PPP2R2B: variants seen among roughly 807,000 people sequenced by gnomAD.
PPP2R2B encodes protein phosphatase 2 regulatory subunit Bbeta.
Under a neutral mutation model 46.0 loss-of-function variants are expected in PPP2R2B, and 5 were observed. That is an observed-to-expected ratio of 0.11 (90% CI 0.06 to 0.23). The LOEUF (loss-of-function observed/expected upper bound fraction) is 0.23. Among genes scored for constraint, PPP2R2B ranks in the 10% least tolerant of loss-of-function variants. The pLI is 1.00. For synonymous variants in PPP2R2B, 215 were observed against 206.7 expected, an observed-to-expected ratio of 1.04 and a Z score of -0.34; for missense variants, 367 against 575.0, an observed-to-expected ratio of 0.64 and a Z score of 3.70.
At chr5:146,903,646 C>G (rs186711716) in intron 1 of PPP2R2B, among the ~76,000 whole-genome samples, 1 of 152,076 alleles carries the variant, frequency 6.6e-6, no homozygotes, top group Admixed American at 6.5e-5. Context: ...AATCTGCCAC[C>G]CTTGGCTTCC....
intron 2 of PPP2R2B, among the ~76,000 whole-genome samples, chr5:146,709,228 C>T (rs1191281474): frequency 1.3e-5 from 2 of 152,190 alleles, no homozygotes; most frequent in African/African-American, 4.8e-5. Context: ...AGCTCCAAGT[C>T]CCAAGCTCTT....
rs537799994 is a variant in PPP2R2B, at chr5:146,638,531, C to T, written c.626-116G>A. ...AAAATATGTCAACATTTGCTATGCA[C>T]ATGGTAGATCCTCATCATAAACTTG... On this transcript the variant is annotated intron_variant, in intron 6 of 9. Coordinates refer to ENST00000394411, the MANE Select transcript of PPP2R2B (RefSeq NM_181675.4). 1,481 of 955,590 alleles carry T rather than the reference C, an allele frequency of 1.5e-3. 5 individuals are homozygous for T. Among genetic ancestry groups the T allele is most frequent in the Non-Finnish European group, 2.0e-3 (1,324 of 663,964 alleles). The allele number at this position is 955,590 out of a possible 1,614,324, so 59.2% of individuals were successfully genotyped here.
intron 2 of PPP2R2B, among the ~76,000 whole-genome samples, chr5:146,827,014 C>A (rs1361056979): frequency 1.3e-5 from 2 of 152,176 alleles, no homozygotes; most frequent in African/African-American, 2.4e-5. Flanking sequence ...AAAGTTAGCA[C>A]TTACATTTTA....
At chr5:146,920,527 C>T (rs1211802508) in intron 1 of PPP2R2B, among the ~76,000 whole-genome samples, 2 of 152,186 alleles carry the variant, frequency 1.3e-5, no homozygotes, top group Non-Finnish European at 2.9e-5. Flanking sequence ...CACCTGATTG[C>T]TTTGTTCAGA....
intron 2 of PPP2R2B, among the ~76,000 whole-genome samples, chr5:146,827,651 T>C (rs990773855): frequency 6.6e-6 from 1 of 152,146 alleles, no homozygotes; most frequent in African/African-American, 2.4e-5. Context: ...TCTAACAAAA[T>C]GAGAAAATAA....
chr5:147,012,398 TG>T, intron 1 of PPP2R2B, among the ~76,000 whole-genome samples: 1 of 152,004 alleles, frequency 6.6e-6, no homozygotes, highest in East Asian at 1.9e-4. Flanking sequence ...GATGGTAGTT[TG>T]TATTTCTGTG....
At chr5:146,743,217 T>C (rs1333669707) in intron 2 of PPP2R2B, among the ~76,000 whole-genome samples, 2 of 152,192 alleles carry the variant, frequency 1.3e-5, no homozygotes, top group Non-Finnish European at 2.9e-5. Context: ...AAACGATTGA[T>C]GGGTGGAATG....
intron 1 of PPP2R2B, among the ~76,000 whole-genome samples, chr5:146,888,639 A>T (rs1376558009): frequency 6.6e-6 from 1 of 152,172 alleles, no homozygotes; most frequent in Non-Finnish European, 1.5e-5. Flanking sequence ...ACTTTCTTAA[A>T]ATGCTGGAAA....
chr5:147,031,898 A>G (rs1755804377), intron 1 of PPP2R2B, among the ~76,000 whole-genome samples: 1 of 152,222 alleles, frequency 6.6e-6, no homozygotes, highest in Non-Finnish European at 1.5e-5. Flanking sequence ...AATCGACTCA[A>G]GATGGATTAA....
At position 146,583,134 on chromosome 5, in the gene PPP2R2B, T is replaced by C. The variant is rs1311723934; in HGVS notation, c.*6813A>G. The stretch of plus-strand genomic sequence containing the variant: ...CCTATCCTGATGTCTGGAATATGCT[T>C]TTCCTTTCTCTTCTCCTGGATAACT... On this transcript the variant is annotated 3_prime_UTR_variant, in exon 10 of 10. Coordinates refer to ENST00000394411, the MANE Select transcript of PPP2R2B (RefSeq NM_181675.4). 2 of 152,230 alleles carry C rather than the reference T, an allele frequency of 1.3e-5. No individual in the cohort carries two copies. The highest frequency in any genetic ancestry group is 2.9e-5 in the Non-Finnish European group (2 of 68,086). 9.4% of individuals were successfully genotyped at this position (152,230 alleles called of 1,614,324 possible).
chr5:146,822,650 T>C (rs1286088328), intron 2 of PPP2R2B, among the ~76,000 whole-genome samples: 1 of 151,062 alleles, frequency 6.6e-6, no homozygotes, highest in Non-Finnish European at 1.5e-5. Context: ...CTCCATACCA[T>C]TTATCAACAT....
chr5:146,878,372 A>G lies in PPP2R2B; in HGVS notation c.-124-177T>C, dbSNP rs1304956716. ...GCCTCCGCTGCCTCCGGGTGCCAAGATACGCCGTGCCCCGAGGGGTCTGGT... is the reference window on the plus strand; with the variant it reads ...GCCTCCGCTGCCTCCGGGTGCCAAGGTACGCCGTGCCCCGAGGGGTCTGGT... On this transcript the variant is annotated intron_variant, in intron 1 of 9. Coordinates refer to ENST00000394411, the MANE Select transcript of PPP2R2B (RefSeq NM_181675.4). This position sits in a 1 kb window ranked among gnomAD's most constrained non-coding sequence, Gnocchi z 4.5. 2.8e-6 allele frequency: 4 copies of G among 1,432,218 alleles called. No homozygotes were observed. Among genetic ancestry groups the G allele is most frequent in the Non-Finnish European group, 3.6e-6 (4 of 1,099,382 alleles). 88.7% of individuals were successfully genotyped at this position (1,432,218 alleles called of 1,614,324 possible).
intron 1 of PPP2R2B, among the ~76,000 whole-genome samples, chr5:146,942,093 A>G (rs1313381885): frequency 6.6e-6 from 1 of 152,184 alleles, no homozygotes; most frequent in East Asian, 1.9e-4. Context: ...GGCCCACTCT[A>G]ATTCAGAATG....
At chr5:146,748,091 A>G (rs1330758920) in intron 2 of PPP2R2B, among the ~76,000 whole-genome samples, 1 of 152,190 alleles carries the variant, frequency 6.6e-6, no homozygotes, top group African/African-American at 2.4e-5. Context: ...TTGTAACTGC[A>G]TGACCTCATT....
chr5:146,938,947 A>AT (rs1240578807), intron 1 of PPP2R2B, among the ~76,000 whole-genome samples: 1 of 151,592 alleles, frequency 6.6e-6, no homozygotes, highest in Non-Finnish European at 1.5e-5. Context: ...CACCTGGCTA[A>AT]TTTTTTGTAT....
In PPP2R2B at chr5:146,762,184, T is replaced by C. The variant is rs144466416; in HGVS notation, c.71-61042A>G. The stretch of plus-strand genomic sequence containing the variant: ...ACAAAATGTTAAAGAAAAAAGTTAC[T>C]GATATTGGCTAAAACAAAAGAACAG... On this transcript the variant is annotated intron_variant, in intron 2 of 9. Coordinates refer to ENST00000394411, the MANE Select transcript of PPP2R2B (RefSeq NM_181675.4). Among the ~76,000 whole-genome samples the C allele has an allele frequency of 3.1e-3, 477 of 152,338 alleles. 3 individuals carry two copies. Among genetic ancestry groups the C allele is most frequent in the Non-Finnish European group, 2.8e-3 (191 of 68,036 alleles).
chr5:146,782,935 A>G (rs1755623434), intron 2 of PPP2R2B, among the ~76,000 whole-genome samples: 1 of 152,174 alleles, frequency 6.6e-6, no homozygotes, highest in Non-Finnish European at 1.5e-5. Flanking sequence ...ATGTGGATAC[A>G]AAAGTGTCAT....
intron 1 of PPP2R2B, among the ~76,000 whole-genome samples, chr5:147,038,567 G>A (rs945800712): frequency 4.6e-5 from 7 of 152,200 alleles, no homozygotes; most frequent in Admixed American, 3.9e-4. Flanking sequence ...TGCGATAAAA[G>A]GATGGCAACA....
intron 2 of PPP2R2B, among the ~76,000 whole-genome samples, chr5:146,808,984 T>C (rs1341922784): frequency 6.6e-6 from 1 of 150,676 alleles, no homozygotes; most frequent in East Asian, 2.0e-4. Flanking sequence ...TGTGTGTGTG[T>C]GTGTGTGTGT....
Sources: allele counts gnomAD v4.1 joint callset (sites outside exome capture counted in the v4.1 genomes callset), GRCh38; gene constraint gnomAD v4.1.1; non-coding constraint Gnocchi (gnomAD v3.1); transcripts MANE v1.5; gene names NCBI Gene and HGNC (gene_info 2026-07-23, HGNC 2026-07-21).